ABHD5: variants seen among roughly 807,000 people sequenced by gnomAD.
The protein encoded by ABHD5 is abhydrolase domain containing 5, lysophosphatidic acid acyltransferase.
A neutral mutation model predicts 44.9 loss-of-function variants in ABHD5; 30 were observed. The observed-to-expected ratio is 0.67, with a 90% CI of 0.50 to 0.91. The LOEUF (loss-of-function observed/expected upper bound fraction) is 0.91. ABHD5 is among the 40% of genes least tolerant of loss of function. The pLI, the probability that ABHD5 is intolerant of heterozygous loss-of-function variation, is 0.00. For missense variants in ABHD5, 399 were observed against 423.4 expected (o/e 0.94, Z 0.50); for synonymous variants, 167 against 147.0 (o/e 1.14, Z -0.99).
chr3:43,715,286 G>A (rs886519209), intron 5 of ABHD5, among the ~76,000 whole-genome samples: 3 of 152,056 alleles, frequency 2.0e-5, no homozygotes, highest in African/African-American at 7.2e-5. Flanking sequence ...TCAGCCTCCT[G>A]AGTAGCTGGG....
Position 43,702,597 on chromosome 3 carries a change from G to T in ABHD5, c.506+10G>T. The T allele has an allele frequency of 6.2e-7, 1 of 1,614,114 alleles. No individual in the cohort carries two copies. The highest frequency in any genetic ancestry group is 8.5e-7 in the Non-Finnish European group (1 of 1,179,986). On this transcript the variant is annotated intron_variant, in intron 3 of 6. Coordinates refer to ENST00000644371, the MANE Select transcript of ABHD5 (RefSeq NM_016006.6). ...TGAAGTACCCATCAAGGTAAGTGGT[G>T]GTGACAGAAGAGAGGGATTATAACT...
intron 1 of ABHD5, among the ~76,000 whole-genome samples, chr3:43,695,698 A>T (rs895477134): frequency 1.3e-5 from 2 of 152,244 alleles, no homozygotes; most frequent in Non-Finnish European, 2.9e-5. Flanking sequence ...AGAGATTACC[A>T]GGAAACTTAA....
At chr3:43,729,207 A>G (rs2084897719) in intron 7 of ABHD5, among the ~76,000 whole-genome samples, 1 of 152,206 alleles carries the variant, frequency 6.6e-6, no homozygotes, top group African/African-American at 2.4e-5. Context: ...AGGTTGGCAG[A>G]GAATATACGA....
intron 7 of ABHD5, among the ~76,000 whole-genome samples, chr3:43,728,367 A>G (rs547600283): frequency 6.6e-6 from 1 of 152,242 alleles, no homozygotes; most frequent in Non-Finnish European, 1.5e-5. Flanking sequence ...ACTATGGGAT[A>G]AGATTGATGA....
chr3:43,716,183 A>G (rs1288000849), intron 5 of ABHD5, among the ~76,000 whole-genome samples: 1 of 152,206 alleles, frequency 6.6e-6, no homozygotes, highest in Admixed American at 6.5e-5. Context: ...TAGAGTTTCT[A>G]GGAAGAGCAT....
rs140085302 is a variant in ABHD5 at position 43,706,736 on chromosome 3, C to G, written c.506+4149C>G. On this transcript the variant is annotated intron_variant, in intron 3 of 6. Transcript: ENST00000644371. ...CTGCCGGGATTACAGGCATGAGACA[C>G]CGTGCTCAGCTGATAATGTTATTTT... Among the ~76,000 whole-genome samples the G allele has an allele frequency of 3.0e-3, 464 of 152,310 alleles. 3 individuals are homozygous for G. Among genetic ancestry groups the G allele is most frequent in the African/African-American group, 0.01 (417 of 41,578 alleles).
intron 6 of ABHD5, 126 bp downstream of exon 6, chr3:43,717,983 G>A: frequency 8.2e-7 from 1 of 1,224,436 alleles, no homozygotes; most frequent in Non-Finnish European, 1.2e-6. Flanking sequence ...GCCTCAGTCG[G>A]GGACGTGATA....
rs566224501 is a variant in ABHD5 at position 43,702,233 on chromosome 3, A to G, written c.152A>G (p.Lys51Arg). 63 of 1,589,426 alleles carry G rather than the reference A, an allele frequency of 4.0e-5. 1 individual carries two copies. The South Asian group carries it at 6.7e-4, about 17-fold the overall frequency. ...TCATTAGGTGTGCCTTGCACATACAAAAAAGAACCTGTTCGTATATCTAAT... is the reference window on the plus strand; with the variant it reads ...TCATTAGGTGTGCCTTGCACATACAGAAAAGAACCTGTTCGTATATCTAAT... ...KMLKCVPCTY[K>R]KEPVRISNGN... The change falls in exon 3 of 7, where the codon AAA becomes AGA. Residue 51 changes from lysine (K) to arginine (R), a missense_variant. Coordinates refer to ENST00000644371, the MANE Select transcript of ABHD5 (RefSeq NM_016006.6).
At chr3:43,708,486 C>T (rs894220755) in intron 3 of ABHD5, among the ~76,000 whole-genome samples, 6 of 152,180 alleles carry the variant, frequency 3.9e-5, no homozygotes, top group Admixed American at 6.5e-5. Context: ...ATTGCAGTCA[C>T]CTGTGATCAA....
At position 43,730,377 on chromosome 3, in the gene ABHD5, G is replaced by A. The variant is rs114758297; in HGVS notation, c.*30-3503G>A. ...GGAAACCTTGCTGACTAAGTAGACA[G>A]TATGAAAAACACTGGTGAGAGACTT... is the stretch of plus-strand genomic sequence containing the variant. On this transcript the variant is annotated intron_variant, in intron 7 of 7. Coordinates refer to the ABHD5 transcript ENST00000454293. 4.8e-3 allele frequency among the ~76,000 whole-genome samples: 725 copies of A among 152,154 alleles called. 6 individuals carry two copies. The highest frequency in any genetic ancestry group is 0.017 in the African/African-American group (691 of 41,508).
At chr3:43,714,662 T>C (rs1211445758) in intron 4 of ABHD5, among the ~76,000 whole-genome samples, 1 of 152,216 alleles carries the variant, frequency 6.6e-6, no homozygotes, top group Non-Finnish European at 1.5e-5. Flanking sequence ...TTTATTTACC[T>C]ACAAAAGTGC....
In ABHD5 at chr3:43,699,293, G is replaced by A. The variant is rs746970098; in HGVS notation, c.65G>A (p.Gly22Asp). The change falls in exon 2 of 7, where the codon GGT (glycine) becomes GAT (aspartate). Residue 22 changes from glycine (G) to aspartate (D), a missense_variant. Coordinates refer to ENST00000644371, the MANE Select transcript of ABHD5 (RefSeq NM_016006.6). ...DTGERSGWLT[G>D]WLPTWCPTSI... ...TGCTCTAGGTCAGGATGGCTAACTG[G>A]TTGGCTCCCCACATGGTGCCCTACG... The A allele has an allele frequency of 4.3e-6, 7 of 1,614,008 alleles. No homozygotes were observed. The African/African-American group carries it at 5.3e-5, about 12-fold the overall frequency.
chr3:43,717,548 T>C, intron 5 of ABHD5, 123 bp from the exon 6 acceptor site: 1 of 970,820 alleles, frequency 1.0e-6, no homozygotes, highest in Non-Finnish European at 1.6e-6. Context: ...ATTTTCTATT[T>C]AAGCTGAGGT....
In ABHD5 at chr3:43,733,755, C is replaced by T. The variant is rs555663641; in HGVS notation, c.*30-125C>T. 2.6e-5 allele frequency: 4 copies of T among 152,308 alleles called. 1 individual carries two copies. The South Asian group carries it at 6.2e-4, about 24-fold the overall frequency. The allele number at this position is 152,308 out of a possible 1,614,324, so 9.4% of individuals were successfully genotyped here. A position where few individuals can be genotyped will look rare whatever the true frequency, so the allele number is the denominator to read the frequency against. Reference sequence around the variant, plus strand: ...TGGGGTACATATTTTCACAACCATCCTGGCATAAATTTTAAAATCTGTGTG... The same window carrying T: ...TGGGGTACATATTTTCACAACCATCTTGGCATAAATTTTAAAATCTGTGTG... On this transcript the variant is annotated intron_variant, in intron 7 of 7. Coordinates refer to the ABHD5 transcript ENST00000454293.
chr3:43,691,307 A>T, intron 1 of ABHD5: 1 of 312,738 alleles, frequency 3.2e-6, no homozygotes, highest in Non-Finnish European at 5.8e-6. Context: ...CCCCGCGCGG[A>T]GGGTCCGCCC....
chr3:43,702,445 A>G lies in ABHD5; in HGVS notation c.364A>G (p.Ser122Gly). The change falls in exon 3 of 7, where the codon AGT (serine) becomes GGT (glycine). Residue 122 changes from serine (S) to glycine (G), a missense_variant. Coordinates refer to ENST00000644371, the MANE Select transcript of ABHD5 (RefSeq NM_016006.6). ...FGRSSRPRFD[S>G]DAEEVENQFV... ...ACGAAGTAGTAGACCCAGGTTTGAC[A>G]GTGATGCAGAAGAAGTGGAGAATCA... The G allele has an allele frequency of 6.2e-7, 1 of 1,614,252 alleles. No homozygotes were observed. The highest frequency in any genetic ancestry group is 8.5e-7 in the Non-Finnish European group (1 of 1,180,052).
intron 7 of ABHD5, among the ~76,000 whole-genome samples, chr3:43,732,389 C>T (rs547553225): frequency 2.2e-4 from 33 of 152,124 alleles, no homozygotes; most frequent in Middle Eastern, 3.4e-3. Context: ...GAGATTGCAC[C>T]ACTGCACTCC....
downstream of ABHD5, among the ~76,000 whole-genome samples, chr3:43,726,840 C>G (rs2084881087): frequency 6.6e-6 from 1 of 152,204 alleles, no homozygotes; most frequent in African/African-American, 2.4e-5. Flanking sequence ...GCCTGGGAAT[C>G]TACATTTTAA....
chr3:43,711,597 GA>G, intron 3 of ABHD5, 111 bp from the exon 4 acceptor site: 1 of 1,196,674 alleles, frequency 8.4e-7, no homozygotes, highest in Non-Finnish European at 1.2e-6. Flanking sequence ...TCTTTAACGT[GA>G]AGGTTTTTGA....
Sources: allele counts gnomAD v4.1 joint callset (sites outside exome capture counted in the v4.1 genomes callset), GRCh38; gene constraint gnomAD v4.1.1; transcripts MANE v1.5; gene names NCBI Gene and HGNC (gene_info 2026-07-23, HGNC 2026-07-21).